Variants in NALCN observed in about 807,000 individuals in gnomAD.
NALCN encodes the protein sodium leak channel, non-selective, also known as sodium leak channel NALCN.
NALCN carries 111 observed loss-of-function variants against 225.3 expected under a neutral mutation model. The ratio of observed to expected loss-of-function variants is 0.49; its 90% CI spans 0.42 to 0.58. The LOEUF (loss-of-function observed/expected upper bound fraction) is 0.58, where lower values mean the gene tolerates loss of function less well. Ranked by LOEUF, NALCN falls within the 20% of genes least tolerant of loss-of-function variation. NALCN has a pLI of 0.00. For missense variants in NALCN, 1,378 were observed against 2,202.4 expected, an observed-to-expected ratio of 0.63 and a Z score of 7.49; for synonymous variants, 764 against 769.0, an observed-to-expected ratio of 0.99 and a Z score of 0.11.
chr13:101,208,839 C>T (rs1306692327), intron 13 of NALCN, among the ~76,000 whole-genome samples: 1 of 152,200 alleles, frequency 6.6e-6, no homozygotes, highest in Non-Finnish European at 1.5e-5. Flanking sequence ...TGACTGGAAG[C>T]TTGCTGAGGC....
intron 10 of NALCN, among the ~76,000 whole-genome samples, chr13:101,274,261 T>TAAAAAG (rs59774760): frequency 0.53 from 80,680 of 151,922 alleles, 22,559 homozygotes; most frequent in African/African-American, 0.72. Flanking sequence ...AGCAAAACAA[T>TAAAAAG]CAAGCTCAAT....
Position 101,280,212 on chromosome 13 carries a change from C to T in NALCN, c.1134+3721G>A, listed in dbSNP as rs148305560. Among the ~76,000 whole-genome samples, 24 of 152,298 alleles carry T rather than the reference C, an allele frequency of 1.6e-4. 1 individual carries two copies. Among genetic ancestry groups the T allele is most frequent in the African/African-American group, 5.8e-4 (24 of 41,566 alleles). ...ATTGCTGCCTCTGGAAAGCTTTATT[C>T]AGGGCCAAACACATGAAGTTGAGTG... On this transcript the variant is annotated intron_variant, in intron 10 of 43. Transcript: ENST00000251127.
intron 7 of NALCN, among the ~76,000 whole-genome samples, chr13:101,298,349 T>A (rs2043831309): frequency 6.6e-6 from 1 of 151,118 alleles, no homozygotes; most frequent in Admixed American, 6.6e-5. Flanking sequence ...TGAGACGGTG[T>A]CTTGCTCTGT....
chr13:101,377,738 G>T (rs143732201), intron 4 of NALCN, among the ~76,000 whole-genome samples: 2 of 152,172 alleles, frequency 1.3e-5, no homozygotes, highest in Non-Finnish European at 2.9e-5. Context: ...GTACAACATT[G>T]TACCTACAGT....
At chr13:101,160,282 C>T (rs752430674) in intron 15 of NALCN, among the ~76,000 whole-genome samples, 25 of 152,178 alleles carry the variant, frequency 1.6e-4, no homozygotes, top group Admixed American at 9.8e-4. Context: ...TTTGCAAGGT[C>T]CCTTCTAAAT....
At chr13:101,200,256 C>T (rs528399128) in intron 13 of NALCN, among the ~76,000 whole-genome samples, 4 of 152,120 alleles carry the variant, frequency 2.6e-5, no homozygotes, top group Non-Finnish European at 4.4e-5. Flanking sequence ...AAGAAAATGG[C>T]AAATCTATTC....
chr13:101,266,718 C>T (rs569585219), intron 10 of NALCN, among the ~76,000 whole-genome samples: 5 of 152,230 alleles, frequency 3.3e-5, no homozygotes, highest in South Asian at 2.1e-4. Context: ...TTCTCAGAAA[C>T]CATCTTGCAT....
chr13:101,157,599 C>T (rs918013045), intron 15 of NALCN, among the ~76,000 whole-genome samples: 2 of 152,142 alleles, frequency 1.3e-5, no homozygotes, highest in African/African-American at 4.8e-5. Context: ...GTTGTTATCC[C>T]TAGTTAATTC....
chr13:101,217,554 T>C (rs909761132), intron 13 of NALCN, among the ~76,000 whole-genome samples: 6 of 152,176 alleles, frequency 3.9e-5, no homozygotes, highest in Non-Finnish European at 7.4e-5. Context: ...GCTTATATAC[T>C]GATAGAGTCC....
chr13:101,363,862 T>C (rs754078105), intron 6 of NALCN, among the ~76,000 whole-genome samples: 29 of 151,932 alleles, frequency 1.9e-4, no homozygotes, highest in African/African-American at 3.6e-4. Context: ...CCAGAATATA[T>C]AAAGAACTCA....
chr13:101,109,378 C>T (rs1034283096), intron 20 of NALCN, among the ~76,000 whole-genome samples: 2 of 152,146 alleles, frequency 1.3e-5, no homozygotes, highest in Non-Finnish European at 2.9e-5. Flanking sequence ...TTCTCATTGC[C>T]AACTTCTCGC....
chr13:101,079,281 TTA>T (rs1366687786), intron 34 of NALCN, among the ~76,000 whole-genome samples: 1 of 152,222 alleles, frequency 6.6e-6, no homozygotes, highest in Non-Finnish European at 1.5e-5. Context: ...CCTTCCCTCT[TTA>T]TGTTTTGGAA....
intron 10 of NALCN, among the ~76,000 whole-genome samples, chr13:101,275,124 T>C (rs987640301): frequency 2.6e-5 from 4 of 152,198 alleles, no homozygotes; most frequent in African/African-American, 9.6e-5. Context: ...CTGTTTCTGA[T>C]GCCCCCACGC....
rs1594762149 is a variant in NALCN, at chr13:101,378,766, C to T, written c.292-113G>A. 6.7e-6 allele frequency: 5 copies of T among 746,676 alleles called. No homozygotes were observed. The East Asian group carries it at 1.4e-4, about 20-fold the overall frequency. 46.3% of individuals were successfully genotyped at this position (746,676 alleles called of 1,614,324 possible). ...TAAAAGCTATCTACAATTTTTGTAT[C>T]ATAATAGAACAGACTTTCACAAGGA... On this transcript the variant is annotated intron_variant, in intron 3 of 43. Transcript: ENST00000251127.
chr13:101,312,890 A>G (rs2044401814), intron 7 of NALCN, among the ~76,000 whole-genome samples: 1 of 152,200 alleles, frequency 6.6e-6, no homozygotes, highest in Admixed American at 6.5e-5. Context: ...CCTAAGCCAA[A>G]AGAGCAAAGC....
intron 15 of NALCN, among the ~76,000 whole-genome samples, chr13:101,148,880 T>C (rs961087609): frequency 3.3e-5 from 5 of 152,222 alleles, no homozygotes; most frequent in Admixed American, 2.6e-4. Context: ...AATTTGTTAG[T>C]GTGGAGTATG....
intron 1 of NALCN, among the ~76,000 whole-genome samples, chr13:101,402,096 T>C (rs989821118): frequency 4.6e-5 from 7 of 152,202 alleles, no homozygotes; most frequent in African/African-American, 1.7e-4. Context: ...AAGTTTATTA[T>C]TTTGATAGGA....
chr13:101,300,303 CCTT>C lies in NALCN; in HGVS notation c.800-7940_800-7938del, dbSNP rs1014645890. On this transcript the variant is annotated intron_variant, in intron 7 of 43. Transcript: ENST00000251127. ...TCCGATCCTCCTTCCTTCCTTCCCT[CCTT>C]CTTCTTCTTCCTCTTCTTTTCCTTC... Among the ~76,000 whole-genome samples the C allele has an allele frequency of 5.6e-4, 85 of 151,868 alleles. 1 individual carries two copies. Among genetic ancestry groups the C allele is most frequent in the Admixed American group, 2.8e-3 (42 of 15,240 alleles).
intron 7 of NALCN, among the ~76,000 whole-genome samples, chr13:101,339,210 G>C (rs1206434006): frequency 6.6e-6 from 1 of 152,124 alleles, no homozygotes; most frequent in Non-Finnish European, 1.5e-5. Flanking sequence ...TGGCTTTTAG[G>C]ATGTTGTCAA....
Sources: allele counts gnomAD v4.1 joint callset (sites outside exome capture counted in the v4.1 genomes callset), GRCh38; gene constraint gnomAD v4.1.1; transcripts MANE v1.5; gene names NCBI Gene and HGNC (gene_info 2026-07-23, HGNC 2026-07-21).